LIMCH1: variants seen among roughly 807,000 people sequenced by gnomAD.
The protein encoded by LIMCH1 is LIM and calponin homology domains 1, also known as LIM and calponin homology domains-containing protein 1.
Under a neutral mutation model 176.5 loss-of-function variants are expected in LIMCH1, and 113 were observed. The observed-to-expected ratio is 0.64, with a 90% CI of 0.55 to 0.75. The LOEUF is 0.75. LIMCH1 is among the 30% of genes least tolerant of loss of function. The pLI is 0.00. For synonymous variants in LIMCH1, 619 were observed against 645.9 expected, an observed-to-expected ratio of 0.96 and a Z score of 0.63; for missense variants, 1,674 against 1,814.9, an observed-to-expected ratio of 0.92 and a Z score of 1.41.
intron 25 of LIMCH1, among the ~76,000 whole-genome samples, chr4:41,681,659 A>G (rs1715971541): frequency 6.6e-6 from 1 of 152,104 alleles, no homozygotes; most frequent in African/African-American, 2.4e-5. Context: ...GTGAGAGAAC[A>G]AGACCCTATC....
At chr4:41,671,814 T>C (rs1327271246) in intron 22 of LIMCH1, among the ~76,000 whole-genome samples, 1 of 139,224 alleles carries the variant, frequency 7.2e-6, no homozygotes. Flanking sequence ...ATACAAAAAT[T>C]AGGCAGGTGT....
At chr4:41,602,174 A>G (rs1268790632) in intron 2 of LIMCH1, among the ~76,000 whole-genome samples, 2 of 151,322 alleles carry the variant, frequency 1.3e-5, no homozygotes. Flanking sequence ...GCAAGTGATT[A>G]CTGCATGTGT....
intron 1 of LIMCH1, among the ~76,000 whole-genome samples, chr4:41,564,529 G>A (rs997742967): frequency 2.0e-5 from 3 of 152,114 alleles, no homozygotes; most frequent in African/African-American, 7.2e-5. Flanking sequence ...CATTAAACCC[G>A]ATATTTCTAT....
chr4:41,385,367 A>G (rs983250444), intron 1 of LIMCH1, among the ~76,000 whole-genome samples: 11 of 152,180 alleles, frequency 7.2e-5, no homozygotes, highest in African/African-American at 1.2e-4. Context: ...AGCATTTTAT[A>G]TGCATTAAAT....
rs1328061981 is a variant in LIMCH1 at position 41,697,881 on chromosome 4, C to T, written c.*696C>T. The stretch of plus-strand genomic sequence containing the variant: ...GTTCATCAAATAAAGCAAAACCTTG[C>T]AATATCAGCTAGATTTACACTCCGG... On this transcript the variant is annotated 3_prime_UTR_variant, in exon 32 of 32. Coordinates refer to ENST00000503057, the MANE Select transcript of LIMCH1 (RefSeq NM_001330672.2). The T allele has an allele frequency of 1.3e-5, 2 of 152,044 alleles. No individual in the cohort carries two copies. The highest frequency in any genetic ancestry group is 2.9e-5 in the Non-Finnish European group (2 of 68,010). The allele number at this position is 152,044 out of a possible 1,614,324, so 9.4% of individuals were successfully genotyped here. A position where few individuals can be genotyped will look rare whatever the true frequency, so the allele number is the denominator to read the frequency against.
At chr4:41,671,058 TAAA>T (rs76648075) in intron 21 of LIMCH1, 614 of 610,576 alleles carry the variant, frequency 1.0e-3, no homozygotes, top group Non-Finnish European at 1.2e-3. Flanking sequence ...CCCCTGCCTT[TAAA>T]AAAAAAAAAA....
intron 1 of LIMCH1, among the ~76,000 whole-genome samples, chr4:41,491,644 C>G (rs899605191): frequency 6.6e-6 from 1 of 150,386 alleles, no homozygotes; most frequent in Admixed American, 6.6e-5. Flanking sequence ...CTCCTCACTT[C>G]CCAGACGGGG....
chr4:41,455,795 G>A (rs1282161922), intron 1 of LIMCH1, among the ~76,000 whole-genome samples: 1 of 152,172 alleles, frequency 6.6e-6, no homozygotes, highest in Non-Finnish European at 1.5e-5. Context: ...AGTCTGTAAT[G>A]TCAAGAGTCT....
At chr4:41,521,597 G>T (rs1246768807) in intron 2 of LIMCH1, among the ~76,000 whole-genome samples, 2 of 152,052 alleles carry the variant, frequency 1.3e-5, no homozygotes, top group Admixed American at 1.3e-4. Context: ...AGATAAGCAG[G>T]TGTTGGGCAT....
intron 1 of LIMCH1, among the ~76,000 whole-genome samples, chr4:41,461,229 C>T (rs1223869027): frequency 1.3e-5 from 2 of 152,176 alleles, no homozygotes; most frequent in Non-Finnish European, 2.9e-5. Flanking sequence ...ATGACTTGCT[C>T]ATGGCTAGGA....
intron 1 of LIMCH1, among the ~76,000 whole-genome samples, chr4:41,388,119 A>T (rs1044928569): frequency 6.6e-6 from 1 of 152,168 alleles, no homozygotes; most frequent in African/African-American, 2.4e-5. Context: ...AGAAAAGTTA[A>T]CTTACCACAG....
At chr4:41,481,337 G>A (rs1231370501) in intron 1 of LIMCH1, among the ~76,000 whole-genome samples, 4 of 152,316 alleles carry the variant, frequency 2.6e-5, no homozygotes, top group African/African-American at 9.6e-5. Flanking sequence ...TGGTGGGGCG[G>A]TGAAGCCCTG....
intron 1 of LIMCH1, among the ~76,000 whole-genome samples, chr4:41,584,566 T>C (rs2086106961): frequency 6.6e-6 from 1 of 152,194 alleles, no homozygotes; most frequent in South Asian, 2.1e-4. Context: ...GTCTAAACAT[T>C]ATGAACTCTC....
At chr4:41,382,100 C>G (rs540369374) in intron 1 of LIMCH1, among the ~76,000 whole-genome samples, 1 of 152,370 alleles carries the variant, frequency 6.6e-6, no homozygotes, top group Non-Finnish European at 1.5e-5. Context: ...ACCGCAGATA[C>G]ATGAGCAGTA....
intron 5 of LIMCH1, among the ~76,000 whole-genome samples, chr4:41,615,683 G>A (rs75009757): frequency 0.024 from 3,685 of 152,258 alleles, 159 homozygotes; most frequent in African/African-American, 0.084. Context: ...TTTTTAAATG[G>A]TGCTGATTAG....
Position 41,602,722 on chromosome 4 carries a change from C to T in LIMCH1, c.-133-1153C>T, listed in dbSNP as rs949061889. Among the ~76,000 whole-genome samples, 5 of 151,778 alleles carry T rather than the reference C, an allele frequency of 3.3e-5. No homozygotes were observed. In the East Asian group the frequency reaches 9.7e-4, roughly 29 times the overall value. On this transcript the variant is annotated intron_variant, in intron 2 of 31. Transcript: ENST00000503057. ...ATTCGGGAGGCTGAGGCAGGAGAAT[C>T]GCTTGAACCTAGGAGGTGTAGGTTG...
chr4:41,542,387 A>G (rs1384600785), intron 1 of LIMCH1, among the ~76,000 whole-genome samples: 1 of 150,774 alleles, frequency 6.6e-6, no homozygotes, highest in African/African-American at 2.4e-5. Context: ...CCTGATGGCC[A>G]GAGGTTTCTG....
chr4:41,571,671 T>C (rs2083577131), intron 1 of LIMCH1, among the ~76,000 whole-genome samples: 1 of 152,166 alleles, frequency 6.6e-6, no homozygotes. Context: ...TAGTGCATTT[T>C]GAGGGTGAGC....
At chr4:41,518,234 A>G (rs1397945876) in intron 2 of LIMCH1, among the ~76,000 whole-genome samples, 3 of 152,222 alleles carry the variant, frequency 2.0e-5, no homozygotes, top group Admixed American at 6.5e-5. Flanking sequence ...GCCCATTGCT[A>G]TAATTCCTAA....
Sources: gnomAD v4.1 joint callset for allele counts (sites outside exome capture counted in the v4.1 genomes callset) on GRCh38, gnomAD v4.1.1 for gene constraint, MANE v1.5 for transcripts, NCBI Gene and HGNC (gene_info 2026-07-23, HGNC 2026-07-21) for gene names.